Variants in ZMYM2 observed in about 807,000 individuals in gnomAD.
The protein encoded by ZMYM2 is zinc finger MYM-type containing 2, also known as zinc finger MYM-type protein 2.
Under a neutral mutation model 162.8 loss-of-function variants are expected in ZMYM2, and 56 were observed. The observed-to-expected ratio is 0.34, with a 90% CI of 0.28 to 0.43. The LOEUF (loss-of-function observed/expected upper bound fraction) is 0.43. Among genes scored for constraint, ZMYM2 ranks in the 20% least tolerant of loss-of-function variants. The pLI, the probability that ZMYM2 is intolerant of heterozygous loss-of-function variation, is 1.00. For missense variants in ZMYM2, 1,275 were observed against 1,621.8 expected, an observed-to-expected ratio of 0.79 and a Z score of 3.67; for synonymous variants, 510 against 541.6, an observed-to-expected ratio of 0.94 and a Z score of 0.81.
chr13:19,923,606 AC>A, the ZMYM2 span, among the ~76,000 whole-genome samples: 1 of 141,450 alleles, frequency 7.1e-6, no homozygotes, highest in African/African-American at 2.7e-5. Flanking sequence ...CGATCCTTAC[AC>A]CCCAACTTCC....
At chr13:20,025,504 A>G (rs1266155904) in intron 7 of ZMYM2, 1 of 161,236 alleles carries the variant, frequency 6.2e-6, no homozygotes, top group African/African-American at 2.4e-5. Flanking sequence ...CACCCCCACC[A>G]AAAAAAATAG....
rs34444937 is a variant in ZMYM2, at chr13:20,046,078, CA to C, written c.2293-5339del. On this transcript the variant is annotated intron_variant, in intron 12 of 24. Transcript: ENST00000610343. ...GGAACATAGTGAGAGCCCATCTCTG[CA>C]AAAAAAAAAAAAAAAGTTAAAAATT... 6.2e-3 allele frequency among the ~76,000 whole-genome samples: 597 copies of C among 96,802 alleles called. 1 individual carries two copies. The highest frequency in any genetic ancestry group is 8.3e-3 in the Non-Finnish European group (362 of 43,858). 63.5% of individuals were successfully genotyped at this position (96,802 alleles called of 152,430 possible).
At chr13:19,870,105 G>A in the ZMYM2 span, among the ~76,000 whole-genome samples, 25 of 152,258 alleles carry the variant, frequency 1.6e-4, no homozygotes, top group East Asian at 4.1e-3. Context: ...GTGGCTATTA[G>A]CACGAGGCTT....
At chr13:19,980,949 T>C (rs1459205030) in intron 2 of ZMYM2, among the ~76,000 whole-genome samples, 3 of 151,916 alleles carry the variant, frequency 2.0e-5, no homozygotes. Context: ...TTTTTGTTGG[T>C]ATTAGTACCG....
At chr13:20,043,307 A>G (rs987821177) in intron 12 of ZMYM2, among the ~76,000 whole-genome samples, 11 of 152,196 alleles carry the variant, frequency 7.2e-5, no homozygotes, top group Admixed American at 7.2e-4. Flanking sequence ...TAGTGCGGTG[A>G]CAGCAGGATC....
intron 17 of ZMYM2, among the ~76,000 whole-genome samples, chr13:20,061,832 A>G (rs1160909351): frequency 6.6e-6 from 1 of 150,746 alleles, no homozygotes; most frequent in African/African-American, 2.4e-5. Flanking sequence ...CAGGTGATCC[A>G]CCTGCTTCCC....
At chr13:20,007,286 C>A (rs1033231048) in intron 6 of ZMYM2, among the ~76,000 whole-genome samples, 1 of 152,000 alleles carries the variant, frequency 6.6e-6, no homozygotes, top group African/African-American at 2.4e-5. Context: ...CAGGCATGCG[C>A]CACCACACCC....
intron 6 of ZMYM2, among the ~76,000 whole-genome samples, chr13:20,014,496 A>C (rs1176544736): frequency 2.6e-5 from 4 of 152,158 alleles, no homozygotes; most frequent in Non-Finnish European, 5.9e-5. Flanking sequence ...CTGTGTAATT[A>C]GTTAATGTAC....
rs1317378896 is a variant in ZMYM2, at chr13:20,067,673, T to G, written c.3453+283T>G. 2.6e-5 allele frequency among the ~76,000 whole-genome samples: 4 copies of G among 152,294 alleles called. No homozygotes were observed. The East Asian group carries it at 7.7e-4, about 29-fold the overall frequency. Reference sequence around the variant, plus strand: ...CAGAAAAATGTCATAACTCTGTAAATAGGTCTGTTTCACTGTATGCTTCTG... The same window carrying G: ...CAGAAAAATGTCATAACTCTGTAAAGAGGTCTGTTTCACTGTATGCTTCTG... On this transcript the variant is annotated intron_variant, in intron 21 of 24. Coordinates refer to ENST00000610343, the MANE Select transcript of ZMYM2 (RefSeq NM_197968.4).
the ZMYM2 span, among the ~76,000 whole-genome samples, chr13:19,917,138 A>AT: frequency 6.6e-6 from 1 of 151,848 alleles, no homozygotes; most frequent in Non-Finnish European, 1.5e-5. Context: ...AATTTTTTGT[A>AT]TTTTTAGTAG....
intron 6 of ZMYM2, among the ~76,000 whole-genome samples, chr13:20,009,734 C>T (rs6490507): frequency 0.99 from 150,079 of 152,336 alleles, 73,968 homozygotes; most frequent in Middle Eastern, 1. Context: ...AGTATAGCCA[C>T]GATCAGAACA....
intron 2 of ZMYM2, among the ~76,000 whole-genome samples, chr13:19,982,413 G>A (rs1420953217): frequency 6.8e-6 from 1 of 148,134 alleles, no homozygotes; most frequent in Non-Finnish European, 1.5e-5. Context: ...TCAGCCTCCT[G>A]AGTAGCCGAG....
rs1954965575 is a variant in ZMYM2 at position 20,047,871 on chromosome 13, C to T, written c.2293-3562C>T. Among the ~76,000 whole-genome samples the T allele has an allele frequency of 3.3e-5, 5 of 152,024 alleles. No individual in the cohort carries two copies. In the South Asian group the frequency reaches 1.0e-3, roughly 32 times the overall value. On this transcript the variant is annotated intron_variant, in intron 12 of 24. Transcript: ENST00000610343. Reference sequence around the variant, plus strand: ...AACGTATTTTTCTTCTCCCAGATACCTTTTTAGAAAGAAGTAGATTTTACT... The same window carrying T: ...AACGTATTTTTCTTCTCCCAGATACTTTTTTAGAAAGAAGTAGATTTTACT...
At chr13:19,956,559 C>T (rs1419575754), upstream of ZMYM2, among the ~76,000 whole-genome samples, 3 of 152,152 alleles carry the variant, frequency 2.0e-5, no homozygotes, top group African/African-American at 7.2e-5. Flanking sequence ...GATATCAGAC[C>T]AGCAAACCAA....
intron 12 of ZMYM2, among the ~76,000 whole-genome samples, chr13:20,048,448 C>T (rs1019647348): frequency 1.3e-5 from 2 of 151,818 alleles, no homozygotes; most frequent in East Asian, 3.9e-4. Context: ...AAATTTGTAG[C>T]GAATCACTCC....
intron 19 of ZMYM2, among the ~76,000 whole-genome samples, chr13:20,065,418 C>T (rs936373599): frequency 3.9e-5 from 6 of 152,154 alleles, no homozygotes; most frequent in Admixed American, 2.6e-4. Context: ...AGATACCAAA[C>T]GCACAGGGAA....
chr13:20,001,582 C>T (rs1270981181), intron 3 of ZMYM2, among the ~76,000 whole-genome samples: 6 of 151,866 alleles, frequency 4.0e-5, no homozygotes, highest in Admixed American at 2.6e-4. Context: ...TAGAGTATTA[C>T]GTAAACTTAG....
At position 19,967,392 on chromosome 13, in the gene ZMYM2, G is replaced by A. The variant is rs551703595; in HGVS notation, c.-11+7366G>A. 8.6e-5 allele frequency among the ~76,000 whole-genome samples: 13 copies of A among 151,798 alleles called. No homozygotes were observed. The South Asian group carries it at 2.7e-3, about 31-fold the overall frequency. On this transcript the variant is annotated intron_variant, in intron 2 of 24. Coordinates refer to ENST00000610343, the MANE Select transcript of ZMYM2 (RefSeq NM_197968.4). ...AACGACTTAATTTTGCAGATTTTCT[G>A]CCAAAAAAAGCCATTTTTCTCATTG...
chr13:19,998,054 C>A (rs1242443116), intron 3 of ZMYM2, among the ~76,000 whole-genome samples: 1 of 152,114 alleles, frequency 6.6e-6, no homozygotes, highest in African/African-American at 2.4e-5. Context: ...GTAAACTCGT[C>A]ATCAGAAAAA....
Sources: gnomAD v4.1 joint callset for allele counts (sites outside exome capture counted in the v4.1 genomes callset) on GRCh38, gnomAD v4.1.1 for gene constraint, MANE v1.5 for transcripts, NCBI Gene and HGNC (gene_info 2026-07-23, HGNC 2026-07-21) for gene names.